Variants in UTRN observed in about 807,000 individuals in gnomAD.
UTRN encodes utrophin.
Under a neutral mutation model 463.9 loss-of-function variants are expected in UTRN, and 283 were observed. The ratio of observed to expected loss-of-function variants is 0.61; its 90% CI spans 0.55 to 0.67. The LOEUF (loss-of-function observed/expected upper bound fraction) is 0.67, where lower values mean the gene tolerates loss of function less well. UTRN is among the 30% of genes least tolerant of loss of function. The probability of loss-of-function intolerance (pLI) is 0.00; values close to 1 mark genes in which losing one functional copy is unlikely to be tolerated. For missense variants in UTRN, 3,922 were observed against 4,084.3 expected, an observed-to-expected ratio of 0.96 and a Z score of 1.08; for synonymous variants, 1,442 against 1,431.5, an observed-to-expected ratio of 1.01 and a Z score of -0.17.
intron 73 of UTRN, among the ~76,000 whole-genome samples, chr6:144,842,781 A>G (rs1781696306): frequency 6.6e-6 from 1 of 152,070 alleles, no homozygotes; most frequent in African/African-American, 2.4e-5. Context: ...AATCACATTT[A>G]CACTACATCA....
At chr6:144,452,025 C>T (rs1171118568) in intron 18 of UTRN, among the ~76,000 whole-genome samples, 1 of 152,078 alleles carries the variant, frequency 6.6e-6, no homozygotes, top group Non-Finnish European at 1.5e-5. Context: ...GTCCTGGGTG[C>T]TCATACGTCT....
At chr6:144,431,004 G>C (rs1785781049) in intron 9 of UTRN, among the ~76,000 whole-genome samples, 1 of 152,140 alleles carries the variant, frequency 6.6e-6, no homozygotes, top group Non-Finnish European at 1.5e-5. Flanking sequence ...CTTTTGTAGT[G>C]AATATCAAAT....
intron 46 of UTRN, among the ~76,000 whole-genome samples, chr6:144,548,091 T>C (rs1798568076): frequency 6.6e-6 from 1 of 152,170 alleles, no homozygotes; most frequent in Non-Finnish European, 1.5e-5. Flanking sequence ...AAATCTATGC[T>C]AAGATAGAGA....
chr6:144,758,695 A>G (rs1462712485), intron 58 of UTRN, among the ~76,000 whole-genome samples: 1 of 152,136 alleles, frequency 6.6e-6, no homozygotes, highest in Non-Finnish European at 1.5e-5. Context: ...TTGTCATGGA[A>G]CAGAATGATA....
At chr6:144,544,549 C>T (rs1287074015) in intron 46 of UTRN, among the ~76,000 whole-genome samples, 1 of 152,074 alleles carries the variant, frequency 6.6e-6, no homozygotes, top group Non-Finnish European at 1.5e-5. Context: ...TGAGGTTCAT[C>T]CTTGCCAACA....
chr6:144,743,743 G>C (rs1312498384), intron 54 of UTRN, among the ~76,000 whole-genome samples: 3 of 152,118 alleles, frequency 2.0e-5, no homozygotes, highest in Non-Finnish European at 4.4e-5. Context: ...CATAAATGCT[G>C]TGCCACTAAT....
At position 144,493,433 on chromosome 6, in the gene UTRN, C is replaced by G; in HGVS notation, c.4570C>G (p.Leu1524Val). ...MDEQLTSLKV[L>V]YNDLGAQVTE... The stretch of plus-strand genomic sequence containing the variant: ...TGAGCAGCTGACTTCCCTGAAGGTT[C>G]TTTACAATGACCTGGGCGCACAGGT... The change falls in exon 33 of 75, where the codon CTT becomes GTT. Residue 1524 changes from leucine (L) to valine (V), a missense_variant. Leu to Val is a conservative substitution (Grantham distance 32). This residue lies in a region of UTRN where 2,349 missense variants were observed against 2,303.8 expected (regional missense o/e 1.02). Coordinates refer to ENST00000367545, the MANE Select transcript of UTRN (RefSeq NM_007124.3). 1 of 1,613,970 alleles carries G rather than the reference C, an allele frequency of 6.2e-7. No individual in the cohort carries two copies. The highest frequency in any genetic ancestry group is 8.5e-7 in the Non-Finnish European group (1 of 1,179,880).
chr6:144,537,060 T>TTG (rs1352576778), intron 43 of UTRN, among the ~76,000 whole-genome samples: 14 of 152,100 alleles, frequency 9.2e-5, no homozygotes, highest in African/African-American at 3.4e-4. Context: ...TCCCTAATAC[T>TTG]TGTAAGATTC....
At chr6:144,511,307 A>C (rs987134119) in intron 35 of UTRN, among the ~76,000 whole-genome samples, 184 bp downstream of exon 35, 1 of 152,232 alleles carries the variant, frequency 6.6e-6, no homozygotes, top group Non-Finnish European at 1.5e-5. Context: ...ACTAGAAAGA[A>C]TTTACAGTGT....
chr6:144,779,342 A>G (rs1163417232), intron 60 of UTRN, among the ~76,000 whole-genome samples: 9 of 152,174 alleles, frequency 5.9e-5, no homozygotes, highest in African/African-American at 2.2e-4. Flanking sequence ...CTAGAGGTTT[A>G]CAATTGAAAA....
At chr6:144,754,571 G>T in intron 56 of UTRN, 149 bp from the exon 57 acceptor site, 1 of 246,464 alleles carries the variant, frequency 4.1e-6, no homozygotes, top group Non-Finnish European at 7.3e-6. Flanking sequence ...TCTGATACCA[G>T]AGACAGAGAA....
At chr6:144,634,443 G>T (rs114853238) in intron 51 of UTRN, among the ~76,000 whole-genome samples, 1 of 152,170 alleles carries the variant, frequency 6.6e-6, no homozygotes, top group African/African-American at 2.4e-5. Flanking sequence ...CTGGGATGGC[G>T]TAAGTTCTTT....
chr6:144,487,366 A>AT (rs898710609), intron 28 of UTRN, among the ~76,000 whole-genome samples, 182 bp from the exon 29 acceptor site: 47 of 152,202 alleles, frequency 3.1e-4, no homozygotes, highest in African/African-American at 1.1e-3. Flanking sequence ...AATTTTATGC[A>AT]TTTTTTAATC....
At chr6:144,774,391 AT>A in intron 60 of UTRN, 27 bp downstream of exon 60, 1 of 1,541,814 alleles carries the variant, frequency 6.5e-7, no homozygotes, top group Non-Finnish European at 8.7e-7. Flanking sequence ...AAGTTAATCA[AT>A]CTGTTACTTG....
rs767358681 is a variant in UTRN at position 144,471,056 on chromosome 6, G to C, written c.3067-2664G>C. Reference sequence around the variant, plus strand: ...GACGAGGGAGGGGGAGAGGGAGGGGGAGAGGGAGGGGGAGGGGGCGAGGGA... The same window carrying C: ...GACGAGGGAGGGGGAGAGGGAGGGGCAGAGGGAGGGGGAGGGGGCGAGGGA... On this transcript the variant is annotated intron_variant, in intron 23 of 74. Coordinates refer to ENST00000367545, the MANE Select transcript of UTRN (RefSeq NM_007124.3). Among the ~76,000 whole-genome samples the C allele has an allele frequency of 7.9e-4, 86 of 108,860 alleles. 1 individual carries two copies. Among genetic ancestry groups the C allele is most frequent in the Admixed American group, 1.5e-3 (17 of 11,002 alleles). The allele number at this position is 108,860 out of a possible 152,430, so 71.4% of individuals were successfully genotyped here.
At chr6:144,778,286 G>A (rs1775511191) in intron 60 of UTRN, among the ~76,000 whole-genome samples, 1 of 152,136 alleles carries the variant, frequency 6.6e-6, no homozygotes, top group South Asian at 2.1e-4. Flanking sequence ...GTAAATTGTG[G>A]CAGGTAGAAG....
chr6:144,634,420 C>T (rs2128656847), intron 51 of UTRN, among the ~76,000 whole-genome samples: 1 of 152,244 alleles, frequency 6.6e-6, no homozygotes. Flanking sequence ...TGAATGTTCC[C>T]ACAGATGCAT....
chr6:144,771,731 T>A (rs555067631), intron 58 of UTRN, among the ~76,000 whole-genome samples, 176 bp from the exon 59 acceptor site: 1 of 152,152 alleles, frequency 6.6e-6, no homozygotes, highest in Non-Finnish European at 1.5e-5. Flanking sequence ...GGCCAATGTT[T>A]CAAATGTTAA....
chr6:144,579,029 G>T (rs527452755), intron 51 of UTRN, among the ~76,000 whole-genome samples: 1 of 152,222 alleles, frequency 6.6e-6, no homozygotes, highest in African/African-American at 2.4e-5. Flanking sequence ...TTTATAAATT[G>T]TCCCTGTGCA....
Sources: allele counts gnomAD v4.1 joint callset (sites outside exome capture counted in the v4.1 genomes callset), GRCh38; gene constraint gnomAD v4.1.1; regional missense constraint gnomAD v4.1.1; transcripts MANE v1.5; gene names NCBI Gene and HGNC (gene_info 2026-07-23, HGNC 2026-07-21).